ARL15: variants seen among roughly 807,000 people sequenced by gnomAD.
ARL15 encodes the protein ADP-ribosylation factor-like protein 15.
ARL15 carries 19 observed loss-of-function variants against 25.2 expected under a neutral mutation model. The observed-to-expected ratio is 0.75, with a 90% CI of 0.53 to 1.10. The LOEUF is 1.10. Ranked by LOEUF, ARL15 falls within the 50% of genes least tolerant of loss-of-function variation. ARL15 has a pLI of 0.00. For synonymous variants in ARL15, 94 were observed against 86.8 expected, an observed-to-expected ratio of 1.08 and a Z score of -0.46; for missense variants, 220 against 246.0, an observed-to-expected ratio of 0.89 and a Z score of 0.71.
intron 4 of ARL15, among the ~76,000 whole-genome samples, chr5:54,030,186 T>A (rs1419104820): frequency 6.6e-6 from 1 of 151,858 alleles, no homozygotes; most frequent in Non-Finnish European, 1.5e-5. Context: ...AAAAAGGACT[T>A]CTGAAAGTGA....
intron 3 of ARL15, among the ~76,000 whole-genome samples, chr5:54,120,696 C>T (rs1261740452): frequency 6.6e-6 from 1 of 152,054 alleles, no homozygotes; most frequent in African/African-American, 2.4e-5. Flanking sequence ...TGGCATGACA[C>T]AAAAAACAAA....
chr5:53,918,373 A>T (rs1745724870), intron 4 of ARL15, among the ~76,000 whole-genome samples: 1 of 151,714 alleles, frequency 6.6e-6, no homozygotes, highest in African/African-American at 2.4e-5. Flanking sequence ...TTTTTAGTAG[A>T]GATGGGGGGG....
chr5:53,896,068 C>T (rs536699870), intron 4 of ARL15, among the ~76,000 whole-genome samples: 7 of 152,296 alleles, frequency 4.6e-5, no homozygotes, highest in Admixed American at 1.3e-4. Flanking sequence ...GAGTCTTGCT[C>T]TGTCACCCAG....
At chr5:53,979,246 C>G (rs887625728) in intron 4 of ARL15, among the ~76,000 whole-genome samples, 5 of 152,078 alleles carry the variant, frequency 3.3e-5, no homozygotes, top group Non-Finnish European at 5.9e-5. Flanking sequence ...CATTAAAATT[C>G]ATGGGCTGTG....
chr5:54,053,292 T>A (rs1579742693), intron 4 of ARL15, among the ~76,000 whole-genome samples: 1 of 151,918 alleles, frequency 6.6e-6, no homozygotes, highest in South Asian at 2.1e-4. Flanking sequence ...TATCCATGAG[T>A]CTCTACTGAC....
intron 1 of ARL15, among the ~76,000 whole-genome samples, chr5:54,219,523 A>G (rs1267424917): frequency 3.3e-5 from 5 of 152,160 alleles, no homozygotes; most frequent in Non-Finnish European, 7.4e-5. Flanking sequence ...ACTGCAAAGA[A>G]AGAGACAGGG....
In ARL15 at chr5:54,126,826, G is replaced by T. The variant is rs185394163; in HGVS notation, c.254-13416C>A. Among the ~76,000 whole-genome samples the T allele has an allele frequency of 2.1e-3, 317 of 151,848 alleles. 2 individuals carry two copies. The highest frequency in any genetic ancestry group is 8.2e-3 in the Admixed American group (125 of 15,272). On this transcript the variant is annotated intron_variant, in intron 3 of 4. Transcript: ENST00000504924. The stretch of plus-strand genomic sequence containing the variant: ...AATAAACTTCTTTTTTTAAATTTTT[G>T]TATTTTTTTAATTTATTTTTATTTT...
intron 4 of ARL15, among the ~76,000 whole-genome samples, chr5:54,087,152 C>T (rs1751985711): frequency 6.6e-6 from 1 of 152,066 alleles, no homozygotes; most frequent in Admixed American, 6.5e-5. Context: ...CTGGCTAACA[C>T]AGTGAAACCC....
intron 1 of ARL15, among the ~76,000 whole-genome samples, chr5:54,206,720 G>C (rs1234048084): frequency 6.6e-6 from 1 of 152,140 alleles, no homozygotes; most frequent in Non-Finnish European, 1.5e-5. Flanking sequence ...ATTTGTCATA[G>C]AAATTGAAAA....
chr5:54,289,488 A>G (rs1758268814), intron 1 of ARL15, among the ~76,000 whole-genome samples: 1 of 152,270 alleles, frequency 6.6e-6, no homozygotes, highest in South Asian at 2.1e-4. Flanking sequence ...AGCTTTCAAC[A>G]GCTTTGCTTC....
At chr5:54,272,894 A>G (rs115682751) in intron 1 of ARL15, among the ~76,000 whole-genome samples, 2,171 of 152,314 alleles carry the variant, frequency 0.014, 17 homozygotes, top group Middle Eastern at 0.031. Flanking sequence ...AAGTAAAGGC[A>G]GCTAGCAGAG....
intron 1 of ARL15, among the ~76,000 whole-genome samples, chr5:54,261,937 A>G (rs1319906014): frequency 6.6e-6 from 1 of 152,176 alleles, no homozygotes. Context: ...TAATCATCCA[A>G]TTATTTAGTT....
In ARL15 at chr5:54,155,409, C is replaced by A. The variant is rs183962835; in HGVS notation, c.194-770G>T. Among the ~76,000 whole-genome samples, 485 of 152,090 alleles carry A rather than the reference C, an allele frequency of 3.2e-3. 5 individuals carry two copies. Among genetic ancestry groups the A allele is most frequent in the African/African-American group, 0.011 (454 of 41,480 alleles). ...GAAATTAAGGTACTTAAATTATAACCATTTCATATTAGAATTACATAGTAT... is the reference window on the plus strand; with the variant it reads ...GAAATTAAGGTACTTAAATTATAACAATTTCATATTAGAATTACATAGTAT... On this transcript the variant is annotated intron_variant, in intron 2 of 4. Coordinates refer to ENST00000504924, the MANE Select transcript of ARL15 (RefSeq NM_019087.3).
At chr5:53,891,450 G>A (rs558380524) in intron 4 of ARL15, among the ~76,000 whole-genome samples, 1 of 152,288 alleles carries the variant, frequency 6.6e-6, no homozygotes, top group South Asian at 2.1e-4. Flanking sequence ...GATGCCATGG[G>A]CAACAACCAG....
chr5:54,261,586 G>C (rs1479221614), intron 1 of ARL15, among the ~76,000 whole-genome samples: 1 of 152,080 alleles, frequency 6.6e-6, no homozygotes, highest in African/African-American at 2.4e-5. Context: ...AGAAGTCTGG[G>C]TTTTATTATT....
intron 4 of ARL15, among the ~76,000 whole-genome samples, chr5:53,958,656 T>C (rs1747253127): frequency 6.6e-6 from 1 of 152,204 alleles, no homozygotes; most frequent in African/African-American, 2.4e-5. Flanking sequence ...GATCCAACCA[T>C]ATACTGTTTA....
intron 4 of ARL15, among the ~76,000 whole-genome samples, chr5:53,906,511 T>C (rs954419081): frequency 6.6e-6 from 1 of 152,078 alleles, no homozygotes; most frequent in Admixed American, 6.5e-5. Context: ...GAGGTGGAGG[T>C]GGAAGTGAAC....
rs147268019 is a variant in ARL15 at position 54,213,882 on chromosome 5, A to C, written c.49-41954T>G. Among the ~76,000 whole-genome samples, 68 of 152,334 alleles carry C rather than the reference A, an allele frequency of 4.5e-4. No homozygotes were observed. The East Asian group carries it at 0.013, about 29-fold the overall frequency. ...CAAAACTGAAAAAATCCATCAGTTT[A>C]TTGTTTGGAAAAAATGTAATCTTTT... is the stretch of plus-strand genomic sequence containing the variant. On this transcript the variant is annotated intron_variant, in intron 1 of 4. Transcript: ENST00000504924.
chr5:54,124,035 G>T lies in ARL15; in HGVS notation c.254-10625C>A, dbSNP rs144695762. Among the ~76,000 whole-genome samples the T allele has an allele frequency of 2.6e-3, 402 of 152,262 alleles. 4 individuals are homozygous for T. Among genetic ancestry groups the T allele is most frequent in the African/African-American group, 9.3e-3 (386 of 41,548 alleles). ...CACGAAGAACACACTCAGGAGAAAA[G>T]GGAGAGAGACAGTGTAATTTGAATG... On this transcript the variant is annotated intron_variant, in intron 3 of 4. Coordinates refer to ENST00000504924, the MANE Select transcript of ARL15 (RefSeq NM_019087.3).
Sources: gnomAD v4.1 joint callset for allele counts (sites outside exome capture counted in the v4.1 genomes callset) on GRCh38, gnomAD v4.1.1 for gene constraint, MANE v1.5 for transcripts, NCBI Gene and HGNC (gene_info 2026-07-23, HGNC 2026-07-21) for gene names.